The following GALNT13 variants were observed in gnomAD, a reference collection of about 807,000 sequenced individuals.
The protein encoded by GALNT13 is polypeptide N-acetylgalactosaminyltransferase 13, also known as UDP-GalNAc:polypeptide N-acetylgalactosaminyltransferase 13.
Under a neutral mutation model 64.2 loss-of-function variants are expected in GALNT13, and 28 were observed. That is an observed-to-expected ratio of 0.44 (90% confidence interval 0.32 to 0.60). GALNT13 has a LOEUF of 0.60. Among genes scored for constraint, GALNT13 ranks in the 20% least tolerant of loss-of-function variants. The probability of loss-of-function intolerance (pLI) is 0.05; values close to 1 mark genes in which losing one functional copy is unlikely to be tolerated. For synonymous variants in GALNT13, 214 were observed against 224.6 expected (o/e 0.95, Z 0.42); for missense variants, 577 against 669.8 (o/e 0.86, Z 1.53).
chr2:153,620,303 T>G, the GALNT13 span, among the ~76,000 whole-genome samples: 1 of 151,922 alleles, frequency 6.6e-6, no homozygotes, highest in African/African-American at 2.4e-5. Flanking sequence ...TTTCTATTTT[T>G]AGTAGAGATA....
the GALNT13 span, among the ~76,000 whole-genome samples, chr2:153,153,422 T>G: frequency 1.3e-5 from 2 of 152,172 alleles, no homozygotes; most frequent in Non-Finnish European, 2.9e-5. Context: ...ATTTTTACTT[T>G]TGTTGCAATT....
At chr2:153,098,759 A>T in the GALNT13 span, among the ~76,000 whole-genome samples, 1 of 152,164 alleles carries the variant, frequency 6.6e-6, no homozygotes, top group East Asian at 1.9e-4. Context: ...CTCAGGGTGG[A>T]ATTGACTGGA....
chr2:153,173,435 A>G, the GALNT13 span: 2 of 152,130 alleles, frequency 1.3e-5, no homozygotes, highest in African/African-American at 2.4e-5. Context: ...TGAGATGAGG[A>G]TATCATTCCT....
chr2:154,319,934 G>T (rs2105158794), intron 9 of GALNT13, among the ~76,000 whole-genome samples: 1 of 151,894 alleles, frequency 6.6e-6, no homozygotes, highest in East Asian at 1.9e-4. Context: ...AGTTATAGCA[G>T]ACATAAAAGA....
chr2:154,391,785 C>G (rs1239133776), intron 9 of GALNT13, among the ~76,000 whole-genome samples: 1 of 152,084 alleles, frequency 6.6e-6, no homozygotes, highest in East Asian at 1.9e-4. Context: ...GATAACTCAT[C>G]ATCCAAAGTT....
At chr2:154,328,983 T>C (rs1394168276) in intron 9 of GALNT13, among the ~76,000 whole-genome samples, 3 of 152,148 alleles carry the variant, frequency 2.0e-5, no homozygotes, top group Admixed American at 6.6e-5. Context: ...ATTTCGTTCA[T>C]GTTTTATTTG....
chr2:153,430,231 A>C, the GALNT13 span, among the ~76,000 whole-genome samples: 111,072 of 151,902 alleles, frequency 0.73, 41,385 homozygotes, highest in Non-Finnish European at 0.79. Context: ...TAAGAAACAA[A>C]TGGAGGCATA....
the GALNT13 span, among the ~76,000 whole-genome samples, chr2:153,387,870 A>G: frequency 2.0e-5 from 3 of 152,100 alleles, no homozygotes; most frequent in Non-Finnish European, 4.4e-5. Flanking sequence ...GTGTCTAAGG[A>G]AAAGAGAAAT....
In GALNT13 at chr2:153,970,138, G is replaced by T. The variant is rs537909314; in HGVS notation, c.142+25499G>T. ...CAGAATCATCTTGACAAAATTTTCT[G>T]TACTCATGGTCTCTGAATTCAGTTC... On this transcript the variant is annotated intron_variant, in intron 3 of 12. Coordinates refer to ENST00000392825, the MANE Select transcript of GALNT13 (RefSeq NM_052917.4). Among the ~76,000 whole-genome samples, 8 of 152,262 alleles carry T rather than the reference G, an allele frequency of 5.3e-5. No individual in the cohort carries two copies. In the South Asian group the frequency reaches 1.0e-3, roughly 20 times the overall value.
intron 4 of GALNT13, among the ~76,000 whole-genome samples, chr2:154,218,700 A>G (rs562252243): frequency 1.3e-5 from 2 of 152,140 alleles, no homozygotes; most frequent in East Asian, 1.9e-4. Flanking sequence ...AATCTTAGCC[A>G]TATTTTCTCA....
the GALNT13 span, among the ~76,000 whole-genome samples, chr2:153,410,965 T>C: frequency 2.6e-5 from 4 of 151,610 alleles, no homozygotes. Context: ...TGTCTAATCA[T>C]CTCAAACCAT....
chr2:153,257,988 T>G, the GALNT13 span, among the ~76,000 whole-genome samples: 2 of 152,142 alleles, frequency 1.3e-5, no homozygotes, highest in African/African-American at 4.8e-5. Flanking sequence ...AATGTCACTT[T>G]CTAACAGGCC....
intron 3 of GALNT13, among the ~76,000 whole-genome samples, chr2:153,994,041 A>G (rs1170901618): frequency 6.6e-6 from 1 of 152,054 alleles, no homozygotes; most frequent in Admixed American, 6.6e-5. Context: ...CATTAGGTAT[A>G]ACTCCTAATG....
the GALNT13 span, among the ~76,000 whole-genome samples, chr2:153,315,573 G>A: frequency 6.6e-6 from 1 of 151,954 alleles, no homozygotes; most frequent in Admixed American, 6.6e-5. Context: ...AAGATAACTA[G>A]GCAAATTTAT....
At chr2:153,607,770 T>C in the GALNT13 span, among the ~76,000 whole-genome samples, 4 of 152,100 alleles carry the variant, frequency 2.6e-5, no homozygotes, top group South Asian at 8.3e-4. Flanking sequence ...TGAGAAGAGG[T>C]GATAGTGTTT....
the GALNT13 span, among the ~76,000 whole-genome samples, chr2:153,135,335 T>C: frequency 6.6e-6 from 1 of 152,156 alleles, no homozygotes; most frequent in Non-Finnish European, 1.5e-5. Context: ...GGTGGCACAA[T>C]TCAGTCCATA....
the GALNT13 span, among the ~76,000 whole-genome samples, chr2:153,188,158 T>C: frequency 6.6e-6 from 1 of 152,162 alleles, no homozygotes; most frequent in Admixed American, 6.5e-5. Flanking sequence ...ATGGTTTTCC[T>C]GTTCTGAACT....
At chr2:153,927,852 A>G (rs1690256481) in intron 2 of GALNT13, among the ~76,000 whole-genome samples, 1 of 152,102 alleles carries the variant, frequency 6.6e-6, no homozygotes, top group Non-Finnish European at 1.5e-5. Flanking sequence ...CCCCTGTGGA[A>G]GAAGACTATT....
chr2:154,216,802 C>CT (rs397872685), intron 4 of GALNT13, among the ~76,000 whole-genome samples: 8,651 of 71,320 alleles, frequency 0.12, 914 homozygotes, highest in East Asian at 0.29. Context: ...TTCTCTCTCT[C>CT]TTTTTTTTTT....
Sources: allele counts gnomAD v4.1 joint callset (sites outside exome capture counted in the v4.1 genomes callset), GRCh38; gene constraint gnomAD v4.1.1; transcripts MANE v1.5; gene names NCBI Gene and HGNC (gene_info 2026-07-23, HGNC 2026-07-21).